Variants in NPAS3 observed in about 807,000 individuals in gnomAD.
NPAS3 encodes neuronal PAS domain protein 3.
NPAS3 carries 14 observed loss-of-function variants against 73.1 expected under a neutral mutation model. The observed-to-expected ratio is 0.19, with a 90% CI of 0.13 to 0.30. The LOEUF (loss-of-function observed/expected upper bound fraction) is 0.30. Among genes scored for constraint, NPAS3 ranks in the 10% least tolerant of loss-of-function variants. The pLI, the probability that NPAS3 is intolerant of heterozygous loss-of-function variation, is 1.00. For missense variants in NPAS3, 1,096 were observed against 1,250.0 expected (o/e 0.88, Z 1.86); for synonymous variants, 620 against 541.5 (o/e 1.14, Z -2.01).
chr14:33,219,134 T>TG (rs1187690704), intron 3 of NPAS3, among the ~76,000 whole-genome samples: 1 of 152,222 alleles, frequency 6.6e-6, no homozygotes, highest in Non-Finnish European at 1.5e-5. Context: ...AAATAACTGA[T>TG]GATTGTAACC....
intron 4 of NPAS3, among the ~76,000 whole-genome samples, chr14:33,368,814 C>A (rs948475760): frequency 6.6e-6 from 1 of 152,100 alleles, no homozygotes; most frequent in African/African-American, 2.4e-5. Flanking sequence ...TGTTTGGAAT[C>A]TTCATTATAG....
chr14:33,072,577 G>A (rs1169886082), intron 2 of NPAS3, among the ~76,000 whole-genome samples: 1 of 152,208 alleles, frequency 6.6e-6, no homozygotes, highest in Non-Finnish European at 1.5e-5. Context: ...ATCTGGATTA[G>A]ATTCCAAATG....
At chr14:32,968,812 T>C (rs1192273994) in intron 1 of NPAS3, among the ~76,000 whole-genome samples, 10 of 151,326 alleles carry the variant, frequency 6.6e-5, no homozygotes, top group Non-Finnish European at 1.3e-4. Context: ...CTGGGGTACC[T>C]GTGCAGGGTG....
chr14:33,645,833 T>A (rs768635904), intron 5 of NPAS3, among the ~76,000 whole-genome samples: 14 of 152,224 alleles, frequency 9.2e-5, no homozygotes, highest in Non-Finnish European at 1.9e-4. Flanking sequence ...CCTCTGTGGT[T>A]TCATCTAGGC....
intron 4 of NPAS3, among the ~76,000 whole-genome samples, chr14:33,524,999 G>A (rs2053732104): frequency 6.6e-6 from 1 of 151,978 alleles, no homozygotes; most frequent in South Asian, 2.1e-4. Flanking sequence ...AGTTAATGGG[G>A]GTTAGTACTT....
At chr14:33,693,591 C>T (rs1250422646) in intron 6 of NPAS3, among the ~76,000 whole-genome samples, 1 of 152,100 alleles carries the variant, frequency 6.6e-6, no homozygotes, top group Non-Finnish European at 1.5e-5. Flanking sequence ...TCCAGAAGTC[C>T]CATACAAACA....
At chr14:33,318,295 G>T (rs1398955102) in intron 3 of NPAS3, among the ~76,000 whole-genome samples, 2 of 152,034 alleles carry the variant, frequency 1.3e-5, no homozygotes, top group African/African-American at 4.8e-5. Flanking sequence ...AGAGTAGTCA[G>T]ATTTATAGAG....
chr14:33,440,521 G>A (rs2049198506), intron 4 of NPAS3, among the ~76,000 whole-genome samples: 1 of 152,188 alleles, frequency 6.6e-6, no homozygotes, highest in African/African-American at 2.4e-5. Context: ...TCACAAATTT[G>A]TTATAATTCC....
intron 5 of NPAS3, among the ~76,000 whole-genome samples, chr14:33,574,510 A>G (rs895922825): frequency 2.0e-5 from 3 of 152,128 alleles, no homozygotes; most frequent in Admixed American, 6.5e-5. Flanking sequence ...TTGCGGGGCC[A>G]GAGGTCCAAA....
intron 2 of NPAS3, among the ~76,000 whole-genome samples, chr14:33,140,203 G>A (rs1414533523): frequency 2.6e-5 from 4 of 152,004 alleles, no homozygotes; most frequent in Non-Finnish European, 5.9e-5. Context: ...AAATAAGTGT[G>A]GCATATCTTG....
At chr14:32,939,997 C>G (rs967366597) in intron 1 of NPAS3, among the ~76,000 whole-genome samples, 2 of 152,222 alleles carry the variant, frequency 1.3e-5, no homozygotes, top group African/African-American at 4.8e-5. Flanking sequence ...GCCCTCCGCT[C>G]GGCAACTTGT....
intron 2 of NPAS3, among the ~76,000 whole-genome samples, chr14:33,128,066 G>A (rs1329991238): frequency 6.6e-6 from 1 of 152,068 alleles, no homozygotes; most frequent in Non-Finnish European, 1.5e-5. Flanking sequence ...TCTGAGAAAT[G>A]TACAAAGCTG....
At chr14:33,143,505 T>C (rs1223699694) in intron 2 of NPAS3, among the ~76,000 whole-genome samples, 4 of 151,922 alleles carry the variant, frequency 2.6e-5, no homozygotes, top group Admixed American at 2.6e-4. Flanking sequence ...AAAAAAAAAG[T>C]ATCCTGTTCT....
intron 4 of NPAS3, among the ~76,000 whole-genome samples, chr14:33,519,160 A>G (rs2053446168): frequency 1.3e-5 from 2 of 152,130 alleles, no homozygotes; most frequent in Non-Finnish European, 2.9e-5. Context: ...CAGCTCTCTT[A>G]GCTCAGATTT....
chr14:33,165,023 A>G (rs1193901725), intron 2 of NPAS3, among the ~76,000 whole-genome samples: 3 of 152,178 alleles, frequency 2.0e-5, no homozygotes, highest in African/African-American at 7.2e-5. Context: ...GAAGTGTTCT[A>G]TGAAAGGTGT....
In NPAS3 at chr14:33,388,565, T is replaced by C. The variant is rs74042074; in HGVS notation, c.468+21297T>C. Among the ~76,000 whole-genome samples the C allele has an allele frequency of 9.6e-3, 1,464 of 152,130 alleles. 19 individuals carry two copies. Among genetic ancestry groups the C allele is most frequent in the African/African-American group, 0.033 (1,385 of 41,480 alleles). On this transcript the variant is annotated intron_variant, in intron 4 of 11. Transcript: ENST00000356141. ...AACCAGGTAGTGGTTGTGATAGTTG[T>C]GGGGAAAGGTTATATTAAGTTATAT...
intron 7 of NPAS3, among the ~76,000 whole-genome samples, chr14:33,746,530 A>T (rs1264367703): frequency 1.3e-5 from 2 of 150,826 alleles, no homozygotes; most frequent in African/African-American, 4.9e-5. Context: ...TGTATTTATT[A>T]ATAAACTTAT....
chr14:33,663,059 AC>A (rs1475715498), intron 5 of NPAS3, among the ~76,000 whole-genome samples: 2 of 151,028 alleles, frequency 1.3e-5, no homozygotes, highest in Non-Finnish European at 2.9e-5. Context: ...CTATTTGAAT[AC>A]CCTTTATTTT....
intron 7 of NPAS3, among the ~76,000 whole-genome samples, chr14:33,755,520 G>C (rs2062088656): frequency 6.6e-6 from 1 of 152,152 alleles, no homozygotes; most frequent in Admixed American, 6.5e-5. Context: ...AATTGCCTCG[G>C]GGGAAAGGAT....
Sources: allele counts gnomAD v4.1 joint callset (sites outside exome capture counted in the v4.1 genomes callset), GRCh38; gene constraint gnomAD v4.1.1; transcripts MANE v1.5; gene names NCBI Gene and HGNC (gene_info 2026-07-23, HGNC 2026-07-21).